BCAS3: variants seen among roughly 807,000 people sequenced by gnomAD.
BCAS3 encodes BCAS4/BCAS3 fusion.
In BCAS3, 53 loss-of-function variants were observed where a neutral mutation model predicts 116.1. The ratio of observed to expected loss-of-function variants is 0.46; its 90% CI spans 0.37 to 0.57. The LOEUF is 0.57. Ranked by LOEUF, BCAS3 falls within the 20% of genes least tolerant of loss-of-function variation. The pLI is 0.00. For missense variants in BCAS3, 917 were observed against 1,165.4 expected (o/e 0.79, Z 3.10); for synonymous variants, 391 against 408.2 (o/e 0.96, Z 0.51).
rs2079990148 is a variant in BCAS3, at chr17:61,189,739, C to T, written c.2425+105175C>T. Among the ~76,000 whole-genome samples the T allele has an allele frequency of 6.6e-6, 1 of 152,112 alleles. No individual in the cohort carries two copies. Among genetic ancestry groups the T allele is most frequent in the African/African-American group, 2.4e-5 (1 of 41,426 alleles). On this transcript the variant is annotated intron_variant, in intron 22 of 23. Coordinates refer to ENST00000407086, the MANE Select transcript of BCAS3 (RefSeq NM_017679.5). The surrounding 1 kb of genome is among the most constrained non-coding windows in gnomAD (Gnocchi z 4.5). ...TTTAATATAAATCCCAGGTTTCTGT[C>T]TATGCTAATTAAGTGGAAGAGAGAA...
intron 6 of BCAS3, among the ~76,000 whole-genome samples, chr17:60,784,706 G>A (rs1215480507): frequency 6.6e-6 from 1 of 151,706 alleles, no homozygotes; most frequent in African/African-American, 2.4e-5. Flanking sequence ...CAAGTAACTG[G>A]GATTACAGAT....
At chr17:60,685,763 C>T (rs980724052) in intron 3 of BCAS3, among the ~76,000 whole-genome samples, 2 of 152,028 alleles carry the variant, frequency 1.3e-5, no homozygotes, top group Admixed American at 6.6e-5. Flanking sequence ...ATCAGATGAG[C>T]CAGATACATT....
At chr17:61,159,091 T>C (rs2144048363) in intron 22 of BCAS3, among the ~76,000 whole-genome samples, 1 of 152,334 alleles carries the variant, frequency 6.6e-6, no homozygotes, top group East Asian at 1.9e-4. Context: ...TAGTCTTCAC[T>C]GTCTCAGCTA....
At chr17:60,997,146 A>G (rs1286307934) in intron 15 of BCAS3, among the ~76,000 whole-genome samples, 1 of 152,130 alleles carries the variant, frequency 6.6e-6, no homozygotes, top group Non-Finnish European at 1.5e-5. Context: ...CTGTGCTCTG[A>G]TGAGAATCTA....
At chr17:61,253,997 AT>A (rs1371283337) in intron 22 of BCAS3, among the ~76,000 whole-genome samples, 1 of 152,178 alleles carries the variant, frequency 6.6e-6, no homozygotes, top group Non-Finnish European at 1.5e-5. Context: ...GATAATACTC[AT>A]AAGATCTAAA....
intron 22 of BCAS3, among the ~76,000 whole-genome samples, chr17:61,085,760 T>G (rs2073041264): frequency 6.6e-6 from 1 of 152,170 alleles, no homozygotes; most frequent in Non-Finnish European, 1.5e-5. Context: ...CGGCACTGAA[T>G]GAGATATCGA....
At chr17:61,038,092 A>C (rs952409697) in intron 18 of BCAS3, 38 bp downstream of exon 18, 1 of 1,570,728 alleles carries the variant, frequency 6.4e-7, no homozygotes, top group South Asian at 1.1e-5. Context: ...TAACAGCTTC[A>C]TTAAGGTATA....
chr17:61,334,673 A>AAAAC (rs2056572341), intron 22 of BCAS3, among the ~76,000 whole-genome samples: 1 of 149,204 alleles, frequency 6.7e-6, no homozygotes, highest in East Asian at 1.9e-4. Context: ...TCAAAAAAAA[A>AAAAC]AAAAAAAAAA....
chr17:61,045,911 A>G (rs1263799579), intron 19 of BCAS3, among the ~76,000 whole-genome samples: 2 of 31,038 alleles, frequency 6.4e-5, no homozygotes, highest in South Asian at 9.5e-4. Context: ...ATAAATATAT[A>G]TTTATATATA....
In BCAS3 at chr17:61,241,078, C is replaced by CA. The variant is rs138411356; in HGVS notation, c.2426-127245dup. On this transcript the variant is annotated intron_variant, in intron 22 of 23. Coordinates refer to ENST00000407086, the MANE Select transcript of BCAS3 (RefSeq NM_017679.5). This position sits in a 1 kb window ranked among gnomAD's most constrained non-coding sequence, Gnocchi z 4.6. ...TTCTCACTCTCCATCACTTACCCTT[C>CA]AAAAGACTCTGAATAGCAATTACAA... Among the ~76,000 whole-genome samples, 1 of 152,334 alleles carries CA rather than the reference C, an allele frequency of 6.6e-6. No homozygotes were observed. Among genetic ancestry groups the CA allele is most frequent in the Non-Finnish European group, 1.5e-5 (1 of 68,030 alleles).
chr17:61,382,684 G>A (rs535933403), intron 23 of BCAS3: 1 of 151,732 alleles, frequency 6.6e-6, no homozygotes, highest in Non-Finnish European at 1.5e-5. Context: ...AGGAAAGAAA[G>A]AAAGAAACTC....
chr17:60,730,353 A>G (rs1007898535), intron 5 of BCAS3, among the ~76,000 whole-genome samples: 1 of 152,170 alleles, frequency 6.6e-6, no homozygotes, highest in Non-Finnish European at 1.5e-5. Flanking sequence ...GTTTTGTATT[A>G]TGAATTTAGT....
chr17:61,099,681 G>T (rs1215735450), intron 22 of BCAS3, among the ~76,000 whole-genome samples: 1 of 152,166 alleles, frequency 6.6e-6, no homozygotes, highest in Non-Finnish European at 1.5e-5. Flanking sequence ...TTTGTTTTAA[G>T]GTTATCTTTA....
chr17:60,899,501 G>T lies in BCAS3; in HGVS notation c.739-3119G>T, dbSNP rs189033165. Among the ~76,000 whole-genome samples the T allele has an allele frequency of 8.1e-3, 1,225 of 152,056 alleles. 17 individuals carry two copies. The highest frequency in any genetic ancestry group is 0.028 in the African/African-American group (1,147 of 41,472). On this transcript the variant is annotated intron_variant, in intron 10 of 23. Coordinates refer to ENST00000407086, the MANE Select transcript of BCAS3 (RefSeq NM_017679.5). ...CCTAGTCCCAGCAGTGACAGCCTGAGATTTTTTTTTTCCTGAGATGGAGTC... is the reference window on the plus strand; with the variant it reads ...CCTAGTCCCAGCAGTGACAGCCTGATATTTTTTTTTTCCTGAGATGGAGTC...
intron 7 of BCAS3, chr17:60,851,408 C>T (rs981049848): frequency 2.4e-5 from 10 of 408,874 alleles, no homozygotes; most frequent in African/African-American, 8.5e-5. Context: ...TCAGCTCCAC[C>T]GAAGGGGCCG....
At chr17:60,905,091 A>G (rs2145075662) in intron 11 of BCAS3, among the ~76,000 whole-genome samples, 1 of 152,340 alleles carries the variant, frequency 6.6e-6, no homozygotes, top group South Asian at 2.1e-4. Context: ...AAATATTTGC[A>G]GAAAAACAGC....
intron 5 of BCAS3, among the ~76,000 whole-genome samples, chr17:60,718,438 G>T (rs970803505): frequency 1.9e-4 from 29 of 152,018 alleles, no homozygotes; most frequent in African/African-American, 6.5e-4. Flanking sequence ...TATTTGGTTA[G>T]TTTTTAAATT....
intron 22 of BCAS3, among the ~76,000 whole-genome samples, chr17:61,274,523 A>G (rs1180711143): frequency 2.0e-5 from 3 of 152,040 alleles, no homozygotes; most frequent in Admixed American, 6.6e-5. Flanking sequence ...TCCTGACCTC[A>G]GGTGATCCAC....
At chr17:60,985,009 CAAAAAA>C (rs762586066) in intron 14 of BCAS3, among the ~76,000 whole-genome samples, 1 of 50,368 alleles carries the variant, frequency 2.0e-5, no homozygotes, top group African/African-American at 4.9e-5. Context: ...GACTCCATCT[CAAAAAA>C]AAAAAAAAAA....
Sources: allele counts gnomAD v4.1 joint callset (sites outside exome capture counted in the v4.1 genomes callset), GRCh38; gene constraint gnomAD v4.1.1; non-coding constraint Gnocchi (gnomAD v3.1); transcripts MANE v1.5; gene names NCBI Gene and HGNC (gene_info 2026-07-23, HGNC 2026-07-21).